The following RAB38 variants were observed in gnomAD, a reference collection of about 807,000 sequenced individuals.
RAB38 encodes RAB38, member RAS oncogene family.
In RAB38, 15 loss-of-function variants were observed where a neutral mutation model predicts 18.4. That is an observed-to-expected ratio of 0.82 (90% CI 0.55 to 1.26). RAB38 has a LOEUF of 1.26. Ranked by LOEUF, RAB38 falls within the 50% of genes most tolerant of loss-of-function variation. The pLI is 0.00. For synonymous variants in RAB38, 101 were observed against 104.4 expected, an observed-to-expected ratio of 0.97 and a Z score of 0.20; for missense variants, 294 against 267.4, an observed-to-expected ratio of 1.10 and a Z score of -0.69.
chr11:87,842,816 GCACACACA>G, the RAB38 span, among the ~76,000 whole-genome samples: 11,907 of 147,318 alleles, frequency 0.081, 673 homozygotes, highest in Admixed American at 0.15. Flanking sequence ...ACACGCGCGC[GCACACACA>G]CACACACACA....
chr11:87,856,108 G>A, the RAB38 span, among the ~76,000 whole-genome samples: 4 of 152,110 alleles, frequency 2.6e-5, no homozygotes, highest in African/African-American at 9.7e-5. Context: ...TGGTAGAGAC[G>A]GTGCTACAAA....
chr11:88,063,080 G>A, the RAB38 span, among the ~76,000 whole-genome samples: 1 of 152,120 alleles, frequency 6.6e-6, no homozygotes, highest in Non-Finnish European at 1.5e-5. Context: ...ATCTATTCAT[G>A]CCCTGCCTAA....
chr11:87,950,637 A>G, the RAB38 span, among the ~76,000 whole-genome samples: 4 of 152,036 alleles, frequency 2.6e-5, no homozygotes, highest in East Asian at 1.9e-4. Context: ...TTTCTCCTTC[A>G]GTTATGAAGC....
At chr11:88,161,385 T>C (rs1943188268) in intron 1 of RAB38, among the ~76,000 whole-genome samples, 1 of 152,058 alleles carries the variant, frequency 6.6e-6, no homozygotes, top group Admixed American at 6.6e-5. Context: ...TTGTGCATAC[T>C]TCCCTGTCCT....
At chr11:88,016,423 G>T in the RAB38 span, among the ~76,000 whole-genome samples, 1 of 152,114 alleles carries the variant, frequency 6.6e-6, no homozygotes, top group Non-Finnish European at 1.5e-5. Context: ...TAATGAAAAT[G>T]ATTGAAGACT....
chr11:87,959,015 C>A, the RAB38 span, among the ~76,000 whole-genome samples: 1 of 152,142 alleles, frequency 6.6e-6, no homozygotes, highest in South Asian at 2.1e-4. Context: ...ACACCTCCTC[C>A]TTCTGCGGAA....
the RAB38 span, among the ~76,000 whole-genome samples, chr11:87,866,631 T>C: frequency 6.6e-6 from 1 of 151,744 alleles, no homozygotes; most frequent in South Asian, 2.1e-4. Flanking sequence ...GTTCATTCCA[T>C]TTCAGTAAAT....
chr11:88,035,978 G>A, the RAB38 span, among the ~76,000 whole-genome samples: 21 of 151,660 alleles, frequency 1.4e-4, no homozygotes, highest in Non-Finnish European at 1.9e-4. Context: ...GTCCCCATAT[G>A]AGCAAAAAAT....
At chr11:88,011,010 C>G in the RAB38 span, among the ~76,000 whole-genome samples, 1 of 152,120 alleles carries the variant, frequency 6.6e-6, no homozygotes, top group Non-Finnish European at 1.5e-5. Context: ...ATTTGTCTCC[C>G]TGGCATTTAT....
the RAB38 span, among the ~76,000 whole-genome samples, chr11:87,849,598 A>G: frequency 6.6e-6 from 1 of 152,096 alleles, no homozygotes; most frequent in African/African-American, 2.4e-5. Flanking sequence ...TTTGATGTTG[A>G]GCCTAGATAT....
the RAB38 span, among the ~76,000 whole-genome samples, chr11:88,060,752 C>T: frequency 6.6e-6 from 1 of 152,288 alleles, no homozygotes; most frequent in African/African-American, 2.4e-5. Context: ...TAGCACCACC[C>T]CCAGTTGTAA....
the RAB38 span, among the ~76,000 whole-genome samples, chr11:87,971,243 C>T: frequency 6.6e-5 from 10 of 152,112 alleles, no homozygotes; most frequent in East Asian, 7.7e-4. Context: ...GGCTATGAGA[C>T]GCTCTGGCAG....
At chr11:87,850,231 G>C in the RAB38 span, among the ~76,000 whole-genome samples, 1 of 152,050 alleles carries the variant, frequency 6.6e-6, no homozygotes, top group Admixed American at 6.6e-5. Flanking sequence ...AATAATATCA[G>C]TTCTTCTGCA....
At chr11:88,039,032 GAAGC>G in the RAB38 span, among the ~76,000 whole-genome samples, 54 of 152,110 alleles carry the variant, frequency 3.6e-4, no homozygotes, top group African/African-American at 1.3e-3. Flanking sequence ...AGGAATCAAA[GAAGC>G]AAGTATGAGT....
At chr11:87,869,300 T>C in the RAB38 span, among the ~76,000 whole-genome samples, 158 of 143,252 alleles carry the variant, frequency 1.1e-3, no homozygotes, top group Non-Finnish European at 1.9e-3. Context: ...TTAATCTTCC[T>C]AACACTCATG....
chr11:87,952,529 C>G, the RAB38 span, among the ~76,000 whole-genome samples: 55 of 152,226 alleles, frequency 3.6e-4, no homozygotes, highest in African/African-American at 1.3e-3. Context: ...ATTCCTTCAC[C>G]CTGCATTGGG....
At chr11:87,977,502 TATG>T in the RAB38 span, among the ~76,000 whole-genome samples, 3 of 92,844 alleles carry the variant, frequency 3.2e-5, no homozygotes, top group East Asian at 3.0e-4. Flanking sequence ...TATAATTTTA[TATG>T]ATTATGTAAT....
chr11:88,099,764 A>G, the RAB38 span, among the ~76,000 whole-genome samples: 1 of 151,832 alleles, frequency 6.6e-6, no homozygotes, highest in Non-Finnish European at 1.5e-5. Flanking sequence ...ATCTAAATAT[A>G]TGATTGTTAC....
the RAB38 span, among the ~76,000 whole-genome samples, chr11:88,084,292 T>C: frequency 2.0e-5 from 3 of 151,716 alleles, no homozygotes; most frequent in Admixed American, 1.3e-4. Context: ...TAGTGTTGCA[T>C]TGGAAATCTG....
Sources: allele counts gnomAD v4.1 joint callset (sites outside exome capture counted in the v4.1 genomes callset), GRCh38; gene constraint gnomAD v4.1.1; transcripts MANE v1.5; gene names NCBI Gene and HGNC (gene_info 2026-07-23, HGNC 2026-07-21).